ZNF236: variants seen among roughly 807,000 people sequenced by gnomAD.
ZNF236 encodes regulated by glucose.
Under a neutral mutation model 191.2 loss-of-function variants are expected in ZNF236, and 50 were observed. The observed-to-expected ratio is 0.26, with a 90% confidence interval of 0.21 to 0.33. The LOEUF (loss-of-function observed/expected upper bound fraction) is 0.33. Among genes scored for constraint, ZNF236 ranks in the 10% least tolerant of loss-of-function variants. The pLI is 1.00. For synonymous variants in ZNF236, 907 were observed against 928.8 expected (o/e 0.98, Z 0.43); for missense variants, 1,754 against 2,374.5 (o/e 0.74, Z 5.43).
intron 11 of ZNF236, among the ~76,000 whole-genome samples, chr18:76,900,663 A>G (rs1425387140): frequency 6.6e-6 from 1 of 152,240 alleles, no homozygotes; most frequent in East Asian, 1.9e-4. Context: ...TTATGTAAAC[A>G]GATTGGATGG....
At chr18:76,922,222 C>T (rs1253809822) in intron 20 of ZNF236, among the ~76,000 whole-genome samples, 1 of 152,152 alleles carries the variant, frequency 6.6e-6, no homozygotes, top group Non-Finnish European at 1.5e-5. Context: ...ACTGGCAGGG[C>T]GCTGTGGTGA....
At chr18:76,895,308 A>G (rs3752080) in intron 10 of ZNF236, 23 bp downstream of exon 10, 31,534 of 1,594,078 alleles carry the variant, frequency 0.02, 380 homozygotes, top group Middle Eastern at 0.033. Context: ...GGCTGGGCCC[A>G]CACGGGCACT....
chr18:76,949,335 A>C (rs1476735333), intron 27 of ZNF236, among the ~76,000 whole-genome samples: 1 of 152,200 alleles, frequency 6.6e-6, no homozygotes, highest in Admixed American at 6.5e-5. Flanking sequence ...ATTAGTTTGA[A>C]ATGTCTCCAC....
intron 13 of ZNF236, 25 bp downstream of exon 13, chr18:76,905,440 T>G (rs775648482): frequency 4.4e-6 from 7 of 1,605,742 alleles, no homozygotes; most frequent in Non-Finnish European, 6.0e-6. Flanking sequence ...GGTGGTCACT[T>G]TTTATCATCT....
In ZNF236 at chr18:76,919,770, G is replaced by T; in HGVS notation, c.3275-6G>T. On this transcript the variant is annotated splice_region_variant and splice_polypyrimidine_tract_variant and intron_variant, in intron 19 of 30. Transcript: ENST00000320610. This position sits in a 1 kb window ranked among gnomAD's most constrained non-coding sequence, Gnocchi z 5.3. ...ATTTTGATCCCTTTTCCTTGATTTT[G>T]TGTAGACATTTGTATGGAGGAAGAG... 1 of 1,610,448 alleles carries T rather than the reference G, an allele frequency of 6.2e-7. No homozygotes were observed. Among genetic ancestry groups the T allele is most frequent in the South Asian group, 1.1e-5 (1 of 91,028 alleles).
At position 76,925,063 on chromosome 18, in the gene ZNF236, A is replaced by G; in HGVS notation, c.3662-126A>G. ...CCGTAACATCTTATAGGTGAAAGGG[A>G]TTCTCATTAAAGTACTTCCATCCAC... On this transcript the variant is annotated intron_variant, in intron 21 of 30. Transcript: ENST00000320610. The surrounding 1 kb of genome is among the most constrained non-coding windows in gnomAD (Gnocchi z 5.7). The G allele has an allele frequency of 7.2e-7, 1 of 1,383,010 alleles. No individual in the cohort carries two copies. The highest frequency in any genetic ancestry group is 2.2e-5 in the Admixed American group (1 of 44,580). The allele number at this position is 1,383,010 out of a possible 1,614,324, so 85.7% of individuals were successfully genotyped here.
In ZNF236 at chr18:76,927,469, A is replaced by G. The variant is rs376961747; in HGVS notation, c.4366A>G (p.Ile1456Val). The part of the protein sequence containing the change: ...QPTVTSANLT[I>V]GPLSEQDSVL... ...CACAGTGACCTCTGCGAACCTGACC[A>G]TAGGCCCGCTGTCTGAGCAGGATTC... Residue 1456 changes from isoleucine to valine, a missense_variant, in exon 24 of 31, where the codon ATA becomes GTA. Ile to Val is a conservative substitution (Grantham distance 29, BLOSUM62 3). This residue lies in a region of ZNF236 where 606 missense variants were observed against 761.5 expected (regional missense o/e 0.80). Coordinates refer to ENST00000320610, the MANE Select transcript of ZNF236 (RefSeq NM_001306089.2). This position sits in a 1 kb window ranked among gnomAD's most constrained non-coding sequence, Gnocchi z 5.4. 1.9e-6 allele frequency: 3 copies of G among 1,614,164 alleles called. No individual in the cohort carries two copies. Among genetic ancestry groups the G allele is most frequent in the East Asian group, 2.2e-5 (1 of 44,880 alleles).
chr18:76,923,229 G>A, intron 21 of ZNF236, 55 bp downstream of exon 21: 1 of 1,225,446 alleles, frequency 8.2e-7, no homozygotes, highest in African/African-American at 1.5e-5. Flanking sequence ...CATTTCGTAT[G>A]TTTTGTTCCT....
rs1041851517 is a variant in ZNF236, at chr18:76,970,919, C to T, written c.*2580C>T. 6.6e-6 allele frequency among the ~76,000 whole-genome samples: 1 copy of T among 152,258 alleles called. No individual in the cohort carries two copies. The highest frequency in any genetic ancestry group is 1.5e-5 in the Non-Finnish European group (1 of 68,046). ...CTTTCAAAATCAGGGCATGGCTCCG[C>T]GACAGCGAGCCGTGGGCGTCAGCAC... On this transcript the variant is annotated 3_prime_UTR_variant, in exon 31 of 31. Transcript: ENST00000320610.
intron 30 of ZNF236, among the ~76,000 whole-genome samples, chr18:76,963,833 T>C (rs1034265668): frequency 6.6e-6 from 1 of 152,204 alleles, no homozygotes; most frequent in Non-Finnish European, 1.5e-5. Flanking sequence ...TTTATCCATC[T>C]TTCTAGGTTT....
chr18:76,958,498 C>G (rs112769292), intron 28 of ZNF236, among the ~76,000 whole-genome samples: 9 of 152,344 alleles, frequency 5.9e-5, no homozygotes, highest in African/African-American at 2.2e-4. Context: ...CGTGGACTCT[C>G]TGTCCTCCTT....
intron 1 of ZNF236, among the ~76,000 whole-genome samples, chr18:76,838,436 G>A (rs1975394627): frequency 6.6e-6 from 1 of 152,156 alleles, no homozygotes; most frequent in South Asian, 2.1e-4. Flanking sequence ...GTGGAAAGTC[G>A]TGGAAATTTC....
intron 28 of ZNF236, among the ~76,000 whole-genome samples, chr18:76,957,739 T>C (rs1968555939): frequency 6.6e-6 from 1 of 152,116 alleles, no homozygotes; most frequent in Non-Finnish European, 1.5e-5. Flanking sequence ...ACCATTTAGC[T>C]CCCACTTATC....
intron 27 of ZNF236, among the ~76,000 whole-genome samples, chr18:76,950,317 T>A (rs1456942135): frequency 6.6e-6 from 1 of 152,252 alleles, no homozygotes; most frequent in Non-Finnish European, 1.5e-5. Flanking sequence ...TGTAATCTTT[T>A]AAATCTTTTG....
chr18:76,890,913 C>A (rs79863952), intron 9 of ZNF236, among the ~76,000 whole-genome samples: 4,998 of 152,164 alleles, frequency 0.033, 104 homozygotes, highest in Non-Finnish European at 0.047. Context: ...TCAGCCTACT[C>A]AACATGTAGA....
At position 76,947,547 on chromosome 18, in the gene ZNF236, G is replaced by C; in HGVS notation, c.4809G>C (p.Thr1603=). 6.2e-7 allele frequency: 1 copy of C among 1,613,868 alleles called. No homozygotes were observed. The highest frequency in any genetic ancestry group is 1.1e-5 in the South Asian group (1 of 91,048). ...SQGQQFPALL[T]DPSLSGQGGA... ...GTCAGCAGTTCCCAGCGCTCCTCAC[G>C]GATCCCTCTCTCTCGGGCCAGGGTG... The change falls in exon 27 of 31, where the codon ACG becomes ACC. Residue 1603 remains threonine, a synonymous_variant. Transcript: ENST00000320610.
chr18:76,910,590 AC>A, intron 15 of ZNF236, 69 bp from the exon 16 acceptor site: 1 of 1,470,954 alleles, frequency 6.8e-7, no homozygotes, highest in South Asian at 1.2e-5. Context: ...AAATTTATAA[AC>A]CTTTTCTTAG....
At chr18:76,922,977 A>C in intron 20 of ZNF236, 94 bp from the exon 21 acceptor site, 1 of 926,166 alleles carries the variant, frequency 1.1e-6, no homozygotes, top group Non-Finnish European at 1.7e-6. Context: ...ACTTAAGCAG[A>C]ACGTAGTAAC....
rs1408300798 is a variant in ZNF236 at position 76,968,531 on chromosome 18, A to G, written c.*192A>G. On this transcript the variant is annotated 3_prime_UTR_variant, in exon 31 of 31. Transcript: ENST00000320610. The stretch of plus-strand genomic sequence containing the variant: ...AAAAAACTAGGAAAAGTGTCACCGC[A>G]TTGTTCTCTTTTGTCTACAAATCAC... The G allele has an allele frequency of 3.7e-6, 5 of 1,363,154 alleles. No individual in the cohort carries two copies. The African/African-American group carries it at 6.1e-5, about 17-fold the overall frequency. The allele number at this position is 1,363,154 out of a possible 1,614,324, so 84.4% of individuals were successfully genotyped here. A position where few individuals can be genotyped will look rare whatever the true frequency, so the allele number is the denominator to read the frequency against.
Sources: allele counts gnomAD v4.1 joint callset (sites outside exome capture counted in the v4.1 genomes callset), GRCh38; gene constraint gnomAD v4.1.1; regional missense constraint gnomAD v4.1.1; non-coding constraint Gnocchi (gnomAD v3.1); transcripts MANE v1.5; gene names NCBI Gene and HGNC (gene_info 2026-07-23, HGNC 2026-07-21).